Variants in APBA2 observed in about 807,000 individuals in gnomAD.
The protein encoded by APBA2 is amyloid-beta A4 precursor protein-binding family A member 2.
A neutral mutation model predicts 75.0 loss-of-function variants in APBA2; 30 were observed. That is an observed-to-expected ratio of 0.40 (90% CI 0.30 to 0.54). The LOEUF is 0.54. Among genes scored for constraint, APBA2 ranks in the 20% least tolerant of loss-of-function variants. The pLI, the probability that APBA2 is intolerant of heterozygous loss-of-function variation, is 0.49. For synonymous variants in APBA2, 444 were observed against 409.6 expected, an observed-to-expected ratio of 1.08 and a Z score of -1.01; for missense variants, 801 against 1,016.1, an observed-to-expected ratio of 0.79 and a Z score of 2.88.
intron 2 of APBA2, among the ~76,000 whole-genome samples, chr15:28,969,844 C>G (rs1260004509): frequency 6.6e-6 from 1 of 152,210 alleles, no homozygotes. Context: ...ACTTAGGTGC[C>G]GAAGCCAGAA....
At chr15:28,923,631 A>G (rs1044588526) in intron 2 of APBA2, among the ~76,000 whole-genome samples, 8 of 152,096 alleles carry the variant, frequency 5.3e-5, no homozygotes, top group South Asian at 2.1e-4. Context: ...TGGTGTCACC[A>G]TGTTCCCTGC....
intron 1 of APBA2, among the ~76,000 whole-genome samples, chr15:28,916,529 C>T (rs2033698797): frequency 6.6e-6 from 1 of 152,244 alleles, no homozygotes; most frequent in Non-Finnish European, 1.5e-5. Context: ...ACCTCTCTCC[C>T]CGCTCCCCTC....
chr15:28,989,878 G>T (rs1307114087), intron 2 of APBA2, among the ~76,000 whole-genome samples: 1 of 152,184 alleles, frequency 6.6e-6, no homozygotes, highest in East Asian at 1.9e-4. Flanking sequence ...GACGTGGGCT[G>T]TCTTGGCACC....
At chr15:29,022,013 T>C (rs2039980104) in intron 3 of APBA2, among the ~76,000 whole-genome samples, 1 of 152,210 alleles carries the variant, frequency 6.6e-6, no homozygotes. Context: ...TGTAAGTGTA[T>C]ACCATGTTTT....
chr15:28,914,444 T>C (rs2152655591), intron 1 of APBA2, among the ~76,000 whole-genome samples: 1 of 152,298 alleles, frequency 6.6e-6, no homozygotes, highest in African/African-American at 2.4e-5. Flanking sequence ...TGGGGCCATC[T>C]TGCACATGGC....
At chr15:29,018,640 T>G (rs2039798199) in intron 3 of APBA2, among the ~76,000 whole-genome samples, 1 of 152,180 alleles carries the variant, frequency 6.6e-6, no homozygotes, top group Non-Finnish European at 1.5e-5. Context: ...GAGCTGGAGC[T>G]GCCAGGGAAG....
intron 2 of APBA2, among the ~76,000 whole-genome samples, chr15:28,952,824 A>T (rs1364339914): frequency 6.6e-6 from 1 of 152,240 alleles, no homozygotes; most frequent in Non-Finnish European, 1.5e-5. Context: ...AGCAATCCTG[A>T]GAAAAGCAAG....
chr15:29,108,624 C>T (rs1230968631), intron 13 of APBA2: 2 of 629,956 alleles, frequency 3.2e-6, no homozygotes, highest in Non-Finnish European at 5.5e-6. Flanking sequence ...CCAGCCTTTC[C>T]CAGGCTCCCT....
At chr15:28,941,538 C>T (rs973510091) in intron 2 of APBA2, among the ~76,000 whole-genome samples, 2 of 140,246 alleles carry the variant, frequency 1.4e-5, no homozygotes, top group African/African-American at 5.4e-5. Context: ...GGTGGAAGCA[C>T]AACCAACGGT....
intron 2 of APBA2, among the ~76,000 whole-genome samples, chr15:28,957,707 G>C (rs1271395895): frequency 1.3e-5 from 2 of 152,214 alleles, no homozygotes; most frequent in African/African-American, 4.8e-5. Context: ...GGGGCTCTGT[G>C]GTGGGGAGGC....
chr15:29,115,203 G>C (rs1430460711), intron 14 of APBA2, among the ~76,000 whole-genome samples: 1 of 149,614 alleles, frequency 6.7e-6, no homozygotes, highest in East Asian at 2.0e-4. Context: ...TGCTCCCCCT[G>C]GTGGCTCTGT....
chr15:29,075,465 T>G (rs142667707), intron 5 of APBA2, among the ~76,000 whole-genome samples: 1,614 of 152,278 alleles, frequency 0.011, 18 homozygotes, highest in Middle Eastern at 0.054. Context: ...TCCTTGTACC[T>G]ACCCCATCCC....
chr15:29,053,701 G>A (rs945917415), intron 3 of APBA2, 144 bp from the exon 4 acceptor site: 2 of 609,050 alleles, frequency 3.3e-6, no homozygotes, highest in South Asian at 3.9e-5. Flanking sequence ...GTTAGCGGGG[G>A]TGGGGATGGC....
intron 2 of APBA2, among the ~76,000 whole-genome samples, chr15:28,927,952 T>C (rs1440469595): frequency 6.6e-6 from 1 of 151,220 alleles, no homozygotes; most frequent in Non-Finnish European, 1.5e-5. Context: ...GAGACCAATC[T>C]GACCAACATG....
chr15:29,052,510 A>G (rs2041651217), intron 3 of APBA2, among the ~76,000 whole-genome samples: 1 of 149,846 alleles, frequency 6.7e-6, no homozygotes, highest in South Asian at 2.1e-4. Flanking sequence ...CCTCTGTGCC[A>G]CTTTCCTGAT....
intron 2 of APBA2, among the ~76,000 whole-genome samples, chr15:28,955,828 G>A (rs1162216400): frequency 2.6e-5 from 4 of 152,258 alleles, no homozygotes; most frequent in African/African-American, 9.6e-5. Context: ...AGGGAGCACA[G>A]TTCCATTGCA....
chr15:29,056,560 TCCTCCCTTCCTC>T (rs1320095834), intron 4 of APBA2, among the ~76,000 whole-genome samples: 4 of 33,784 alleles, frequency 1.2e-4, no homozygotes, highest in Non-Finnish European at 2.5e-4. Context: ...TTTCCTCCTT[TCCTCCCTTCCTC>T]CCTTCCTCCC....
chr15:29,064,926 T>C (rs1595877203), intron 4 of APBA2, among the ~76,000 whole-genome samples: 1 of 151,864 alleles, frequency 6.6e-6, no homozygotes, highest in East Asian at 1.9e-4. Flanking sequence ...GGCAGAGGCA[T>C]GGGAATGGTA....
At chr15:29,015,914 G>A (rs1322036749) in intron 3 of APBA2, among the ~76,000 whole-genome samples, 1 of 152,194 alleles carries the variant, frequency 6.6e-6, no homozygotes, top group African/African-American at 2.4e-5. Context: ...CCACTTCCCA[G>A]AATTATTGTG....
Sources: allele counts gnomAD v4.1 joint callset (sites outside exome capture counted in the v4.1 genomes callset), GRCh38; gene constraint gnomAD v4.1.1; transcripts MANE v1.5; gene names NCBI Gene and HGNC (gene_info 2026-07-23, HGNC 2026-07-21).